Variants in ZFC3H1 observed in about 807,000 individuals in gnomAD.
ZFC3H1 encodes zinc finger C3H1 domain-containing protein.
In ZFC3H1, 71 loss-of-function variants were observed where a neutral mutation model predicts 243.7. The ratio of observed to expected loss-of-function variants is 0.29; its 90% CI spans 0.24 to 0.36. The LOEUF is 0.36. ZFC3H1 is among the 10% of genes least tolerant of loss of function. The pLI, the probability that ZFC3H1 is intolerant of heterozygous loss-of-function variation, is 1.00. For missense variants in ZFC3H1, 1,966 were observed against 2,317.1 expected, an observed-to-expected ratio of 0.85 and a Z score of 3.11; for synonymous variants, 838 against 813.0, an observed-to-expected ratio of 1.03 and a Z score of -0.52.
In ZFC3H1 at chr12:71,657,256, G is replaced by A; in HGVS notation, c.644C>T (p.Ser215Leu). 1 of 1,585,340 alleles carries A rather than the reference G, an allele frequency of 6.3e-7. No homozygotes were observed. ...RSPSRKQNYS[S>L]KNENCVEETF... Reference sequence around the variant, plus strand: ...TTCTTCCACACAGTTTTCATTTTTTGATGAATAATTTTGTTTTCTTGATGG... The same window carrying A: ...TTCTTCCACACAGTTTTCATTTTTTAATGAATAATTTTGTTTTCTTGATGG... The change falls in exon 2 of 35, where the codon TCA becomes TTA. Residue 215 changes from serine to leucine, a missense_variant. Ser to Leu is a moderately radical substitution (Grantham distance 145). Around this residue, in one of 4 missense-constraint regions of ZFC3H1, gnomAD observed 484 missense variants for 449.7 expected, o/e 1.08. Coordinates refer to ENST00000378743, the MANE Select transcript of ZFC3H1 (RefSeq NM_144982.5).
intron 10 of ZFC3H1, 33 bp downstream of exon 10, chr12:71,635,410 A>T: frequency 1.3e-6 from 2 of 1,550,838 alleles, no homozygotes; most frequent in African/African-American, 1.4e-5. Context: ...TCAAAAGGTC[A>T]TCTTTCTTTC....
At chr12:71,613,998 A>T (rs1449307518) in intron 30 of ZFC3H1, among the ~76,000 whole-genome samples, 3 of 152,212 alleles carry the variant, frequency 2.0e-5, no homozygotes, top group Non-Finnish European at 2.9e-5. Flanking sequence ...AAATTTTTTT[A>T]AAAGATAATC....
chr12:71,623,965 T>C, intron 23 of ZFC3H1, 139 bp downstream of exon 23: 1 of 839,638 alleles, frequency 1.2e-6, no homozygotes, highest in Non-Finnish European at 1.8e-6. Context: ...CAATGTCACA[T>C]GACTTACTAG....
chr12:71,647,671 TCCCTTA>T, intron 3 of ZFC3H1, 72 bp downstream of exon 3: 1 of 751,206 alleles, frequency 1.3e-6, no homozygotes, highest in East Asian at 2.9e-5. Flanking sequence ...AAGATAGACT[TCCCTTA>T]CAAAAGAACA....
chr12:71,646,357 T>C (rs112189534), intron 3 of ZFC3H1, among the ~76,000 whole-genome samples: 5 of 152,320 alleles, frequency 3.3e-5, no homozygotes, highest in African/African-American at 7.2e-5. Context: ...TTCAATATGG[T>C]AGCAATGAGC....
intron 6 of ZFC3H1, among the ~76,000 whole-genome samples, chr12:71,640,036 T>C (rs79077262): frequency 2.6e-5 from 4 of 152,280 alleles, no homozygotes; most frequent in African/African-American, 9.6e-5. Flanking sequence ...TATGTATTTA[T>C]TTTTGAGACA....
intron 21 of ZFC3H1, among the ~76,000 whole-genome samples, chr12:71,627,383 T>C (rs1411271001): frequency 1.3e-5 from 2 of 152,178 alleles, no homozygotes; most frequent in African/African-American, 4.8e-5. Context: ...TTTAACCTGT[T>C]CCACCATTAT....
chr12:71,618,126 G>C (rs1194295933), intron 27 of ZFC3H1, among the ~76,000 whole-genome samples: 1 of 152,068 alleles, frequency 6.6e-6, no homozygotes, highest in East Asian at 1.9e-4. Context: ...TTAGCCGGGC[G>C]TGGGGGTGTG....
At chr12:71,658,282 ATTTT>A (rs11454442) in intron 1 of ZFC3H1, among the ~76,000 whole-genome samples, 3 of 92,798 alleles carry the variant, frequency 3.2e-5, no homozygotes, top group Admixed American at 1.3e-4. Flanking sequence ...TCATTTATAG[ATTTT>A]TTTTTTTTTT....
intron 1 of ZFC3H1, 92 bp downstream of exon 1, chr12:71,662,921 G>A (rs1592607705): frequency 3.1e-6 from 4 of 1,278,070 alleles, no homozygotes; most frequent in Admixed American, 4.6e-5. Context: ...CGGTTCTGAT[G>A]ATTCAAAGTT....
intron 1 of ZFC3H1, among the ~76,000 whole-genome samples, chr12:71,658,411 C>T (rs562057792): frequency 6.6e-6 from 1 of 150,944 alleles, no homozygotes; most frequent in South Asian, 2.1e-4. Context: ...GTCTCAGCCT[C>T]CTGAGTAGCT....
intron 24 of ZFC3H1, among the ~76,000 whole-genome samples, chr12:71,622,740 G>A (rs1353526756): frequency 1.3e-5 from 2 of 152,144 alleles, no homozygotes; most frequent in African/African-American, 4.8e-5. Flanking sequence ...GATTACAGGC[G>A]TGAGCCACTG....
intron 1 of ZFC3H1, among the ~76,000 whole-genome samples, chr12:71,658,571 G>T (rs753759076): frequency 1.3e-5 from 2 of 151,926 alleles, no homozygotes; most frequent in Non-Finnish European, 2.9e-5. Flanking sequence ...TTACAGGTGT[G>T]AGCCACTGCA....
intron 6 of ZFC3H1, 51 bp from the exon 7 acceptor site, chr12:71,638,566 G>A: frequency 7.2e-7 from 1 of 1,383,632 alleles, no homozygotes; most frequent in Non-Finnish European, 9.9e-7. Flanking sequence ...ACTTCATCAG[G>A]AATATATTAA....
chr12:71,616,758 G>GGGCA (rs1879903842), intron 27 of ZFC3H1, among the ~76,000 whole-genome samples: 2 of 151,986 alleles, frequency 1.3e-5, no homozygotes, highest in South Asian at 4.1e-4. Flanking sequence ...GCTGTATGGG[G>GGGCA]GGCAAACACA....
At chr12:71,630,068 T>C (rs1160083735) in intron 18 of ZFC3H1, among the ~76,000 whole-genome samples, 1 of 152,178 alleles carries the variant, frequency 6.6e-6, no homozygotes, top group African/African-American at 2.4e-5. Context: ...TCCAAAAGAT[T>C]TGTAGCTTGA....
At chr12:71,613,602 C>G (rs1458072288) in intron 30 of ZFC3H1, 167 bp from the exon 31 acceptor site, 4 of 494,290 alleles carry the variant, frequency 8.1e-6, no homozygotes, top group South Asian at 3.1e-5. Context: ...TTATTAGTGA[C>G]TTTCCAAATA....
At chr12:71,662,976 G>A (rs1206998074) in intron 1 of ZFC3H1, 37 bp downstream of exon 1, 4 of 1,541,380 alleles carry the variant, frequency 2.6e-6, no homozygotes, top group Non-Finnish European at 3.5e-6. Context: ...GGGAACTTTA[G>A]TGACACACCC....
intron 2 of ZFC3H1, among the ~76,000 whole-genome samples, chr12:71,653,907 G>A (rs1386852412): frequency 6.6e-6 from 1 of 152,154 alleles, no homozygotes; most frequent in East Asian, 1.9e-4. Context: ...CAGCTACTCA[G>A]GAAGCTGAGG....
Sources: allele counts gnomAD v4.1 joint callset (sites outside exome capture counted in the v4.1 genomes callset), GRCh38; gene constraint gnomAD v4.1.1; regional missense constraint gnomAD v4.1.1; transcripts MANE v1.5; gene names NCBI Gene and HGNC (gene_info 2026-07-23, HGNC 2026-07-21).